The following RRP12 variants were observed in gnomAD, a reference collection of about 807,000 sequenced individuals.
The protein encoded by RRP12 is ribosomal RNA processing 12 homolog.
Under a neutral mutation model 157.3 loss-of-function variants are expected in RRP12, and 78 were observed. That is an observed-to-expected ratio of 0.50 (90% CI 0.41 to 0.60). The LOEUF (loss-of-function observed/expected upper bound fraction) is 0.60, where lower values mean the gene tolerates loss of function less well. Ranked by LOEUF, RRP12 falls within the 20% of genes least tolerant of loss-of-function variation. The pLI is 0.00. For synonymous variants in RRP12, 726 were observed against 670.9 expected (o/e 1.08, Z -1.27); for missense variants, 1,521 against 1,679.9 (o/e 0.91, Z 1.65).
rs1364182342 is a variant in RRP12, at chr10:97,371,096, C to A, written c.2344-15G>T. The A allele has an allele frequency of 6.2e-7, 1 of 1,611,946 alleles. No individual in the cohort carries two copies. On this transcript the variant is annotated splice_polypyrimidine_tract_variant and intron_variant, in intron 20 of 33. Transcript: ENST00000370992. ...TGGGCCTTGCTCTGGCAGACAGGAACCGGTGAGGGAGGCCTGGGGCTCACT... is the reference window on the plus strand; with the variant it reads ...TGGGCCTTGCTCTGGCAGACAGGAAACGGTGAGGGAGGCCTGGGGCTCACT...
In RRP12 at chr10:97,390,839, G is replaced by A. The variant is rs376462471; in HGVS notation, c.536C>T (p.Pro179Leu). The change falls in exon 5 of 34, where the codon CCC becomes CTC. Residue 179 changes from proline to leucine, a missense_variant. By Grantham distance (98) the Pro-to-Leu change is moderately conservative. Transcript: ENST00000370992. The stretch of plus-strand genomic sequence containing the variant: ...GAACTTCTTAATAAGCACAGGGCTG[G>A]GAACACTGTGGGAAAGAACAGAGAT... ...YLLNLVLKRV[P>L]SPVLIKKFSD... is the part of the protein sequence containing the mutation. The A allele has an allele frequency of 6.3e-7, 1 of 1,599,302 alleles. No individual in the cohort carries two copies. Among genetic ancestry groups the A allele is most frequent in the Non-Finnish European group, 8.6e-7 (1 of 1,166,598 alleles).
intron 15 of RRP12, among the ~76,000 whole-genome samples, chr10:97,379,073 G>A (rs150971814): frequency 6.6e-6 from 1 of 152,338 alleles, no homozygotes; most frequent in African/African-American, 2.4e-5. Flanking sequence ...TGTCTCACAG[G>A]GCAAGCTCTG....
intron 8 of RRP12, among the ~76,000 whole-genome samples, chr10:97,387,257 G>A (rs1844658892): frequency 6.6e-6 from 1 of 151,548 alleles, no homozygotes. Context: ...AACTGTACAT[G>A]TTCAGTACAG....
intron 3 of RRP12, among the ~76,000 whole-genome samples, chr10:97,395,443 T>G (rs530324860): frequency 5.9e-5 from 9 of 151,850 alleles, no homozygotes; most frequent in Admixed American, 2.0e-4. Flanking sequence ...TCCCAGGTAC[T>G]CAGGAGGCTG....
intron 6 of RRP12, among the ~76,000 whole-genome samples, chr10:97,389,143 G>A (rs758388085): frequency 2.3e-4 from 35 of 152,086 alleles, no homozygotes; most frequent in African/African-American, 5.3e-4. Context: ...TAGCCCAGGC[G>A]GAGTGCAGTG....
At chr10:97,371,926 CAA>C in intron 20 of RRP12, 145 bp downstream of exon 20, 1 of 604,316 alleles carries the variant, frequency 1.7e-6, no homozygotes, top group South Asian at 1.9e-5. Context: ...ACACAGGACA[CAA>C]AGAGAAGCCA....
At chr10:97,391,737 C>T (rs1372916454) in intron 4 of RRP12, among the ~76,000 whole-genome samples, 1 of 152,042 alleles carries the variant, frequency 6.6e-6, no homozygotes, top group African/African-American at 2.4e-5. Flanking sequence ...CTGGCTAACA[C>T]AGTGAAACCC....
chr10:97,390,638 TC>T (rs1272608641), intron 5 of RRP12, 99 bp from the exon 6 acceptor site: 6 of 1,334,970 alleles, frequency 4.5e-6, no homozygotes, highest in Non-Finnish European at 5.4e-6. Flanking sequence ...CTGTCTGAGG[TC>T]CCCAGGGTGC....
chr10:97,393,338 T>G, intron 4 of RRP12: 1 of 463,196 alleles, frequency 2.2e-6, no homozygotes. Flanking sequence ...AGACATGCCT[T>G]TTGTTTTGGA....
intron 2 of RRP12, 99 bp from the exon 3 acceptor site, chr10:97,396,400 A>G (rs929516441): frequency 5.8e-5 from 54 of 938,910 alleles, no homozygotes; most frequent in Non-Finnish European, 8.9e-5. Context: ...CTCTGGTTAA[A>G]GCCCAGAGAC....
rs1027363817 is a variant in RRP12 at position 97,366,095 on chromosome 10, G to A, written c.3517+13C>T. The stretch of plus-strand genomic sequence containing the variant: ...GAACACGGTGAATGAATGGACAAGC[G>A]CGTTGGGCCCACCTTTGGCACCTTC... On this transcript the variant is annotated intron_variant, in intron 29 of 33. Coordinates refer to ENST00000370992, the MANE Select transcript of RRP12 (RefSeq NM_015179.4). 9.4e-6 allele frequency: 15 copies of A among 1,601,094 alleles called. No homozygotes were observed. Among genetic ancestry groups the A allele is most frequent in the East Asian group, 2.2e-5 (1 of 44,864 alleles).
intron 4 of RRP12, 57 bp downstream of exon 4, chr10:97,393,627 C>T (rs1279413303): frequency 1.5e-6 from 2 of 1,298,548 alleles, no homozygotes; most frequent in Non-Finnish European, 2.2e-6. Flanking sequence ...CTCCTGTCCA[C>T]ATTCCCTTCT....
intron 32 of RRP12, 96 bp downstream of exon 32, chr10:97,358,847 G>T (rs1047434045): frequency 2.4e-5 from 25 of 1,023,334 alleles, no homozygotes; most frequent in Non-Finnish European, 3.8e-5. Flanking sequence ...TTCCAGGAAG[G>T]TGCCTCTCAG....
At chr10:97,370,296 G>C (rs1479212506) in intron 23 of RRP12, 22 bp from the exon 24 acceptor site, 1 of 1,551,294 alleles carries the variant, frequency 6.4e-7, no homozygotes, top group Admixed American at 1.9e-5. Flanking sequence ...GACCAACGTG[G>C]GTCAAGCAGG....
At chr10:97,359,401 A>G (rs1843787926) in intron 31 of RRP12, among the ~76,000 whole-genome samples, 1 of 152,248 alleles carries the variant, frequency 6.6e-6, no homozygotes, top group Non-Finnish European at 1.5e-5. Flanking sequence ...TCTTAACCTC[A>G]TCTGTAAGAG....
At chr10:97,366,296 T>C (rs939343513) in intron 28 of RRP12, 63 bp from the exon 29 acceptor site, 2 of 1,592,170 alleles carry the variant, frequency 1.3e-6, no homozygotes, top group East Asian at 2.2e-5. Context: ...ACCCTCATCA[T>C]GACCAACAAG....
chr10:97,379,175 G>A lies in RRP12; in HGVS notation c.1798+118C>T, dbSNP rs1844391793. 5 of 1,221,172 alleles carry A rather than the reference G, an allele frequency of 4.1e-6. 1 individual carries two copies. The highest frequency in any genetic ancestry group is 4.0e-5 in the South Asian group (3 of 75,490). 75.6% of individuals were successfully genotyped at this position (1,221,172 alleles called of 1,614,324 possible). A position where few individuals can be genotyped will look rare whatever the true frequency, so the allele number is the denominator to read the frequency against. On this transcript the variant is annotated intron_variant, in intron 15 of 33. Coordinates refer to ENST00000370992, the MANE Select transcript of RRP12 (RefSeq NM_015179.4). ...CTGGCCACCTGCTCGGCAGAGGGATGTTGCCAAACGTCTTGAAGGCTGGGT... is the reference window on the plus strand; with the variant it reads ...CTGGCCACCTGCTCGGCAGAGGGATATTGCCAAACGTCTTGAAGGCTGGGT...
chr10:97,357,993 G>A (rs1843754536), intron 33 of RRP12, among the ~76,000 whole-genome samples: 1 of 151,410 alleles, frequency 6.6e-6, no homozygotes, highest in Admixed American at 6.6e-5. Flanking sequence ...ACTATGTAGA[G>A]TATGTAAATA....
intron 17 of RRP12, 34 bp downstream of exon 17, chr10:97,373,541 C>T (rs997338036): frequency 6.4e-7 from 1 of 1,554,084 alleles, no homozygotes; most frequent in Non-Finnish European, 8.7e-7. Context: ...CTGTGTCATC[C>T]TCCCCAGCCC....
Sources: allele counts gnomAD v4.1 joint callset (sites outside exome capture counted in the v4.1 genomes callset), GRCh38; gene constraint gnomAD v4.1.1; transcripts MANE v1.5; gene names NCBI Gene and HGNC (gene_info 2026-07-23, HGNC 2026-07-21).